TTC1: variants seen among roughly 807,000 people sequenced by gnomAD.
The protein encoded by TTC1 is tetratricopeptide repeat domain 1.
TTC1 carries 31 observed loss-of-function variants against 37.6 expected under a neutral mutation model. The ratio of observed to expected loss-of-function variants is 0.82; its 90% CI spans 0.62 to 1.11. The LOEUF is 1.11. Among genes scored for constraint, TTC1 ranks in the 50% most tolerant of loss-of-function variants. The pLI is 0.00. For synonymous variants in TTC1, 127 were observed against 122.4 expected (o/e 1.04, Z -0.25); for missense variants, 351 against 339.0 (o/e 1.04, Z -0.28).
intron 4 of TTC1, among the ~76,000 whole-genome samples, chr5:160,041,424 C>T (rs1235714856): frequency 2.0e-5 from 3 of 151,484 alleles, no homozygotes; most frequent in Non-Finnish European, 4.4e-5. Context: ...AATTCTCCTG[C>T]GTCAGCCTCT....
chr5:160,017,190 T>C (rs1209815205), intron 2 of TTC1, among the ~76,000 whole-genome samples: 1 of 152,160 alleles, frequency 6.6e-6, no homozygotes, highest in African/African-American at 2.4e-5. Context: ...AGAATTGCAA[T>C]AATAACATTA....
intron 7 of TTC1, among the ~76,000 whole-genome samples, chr5:160,060,323 T>G (rs10074960): frequency 6.6e-6 from 1 of 151,652 alleles, no homozygotes; most frequent in East Asian, 1.9e-4. Context: ...TCAATTGGGT[T>G]ATGGTGATAT....
intron 2 of TTC1, among the ~76,000 whole-genome samples, chr5:160,026,318 A>T (rs1373010781): frequency 6.6e-6 from 1 of 152,184 alleles, no homozygotes; most frequent in Admixed American, 6.5e-5. Flanking sequence ...ATATTTTGCA[A>T]CAGTGTACTA....
chr5:160,012,586 C>T (rs759796714), intron 2 of TTC1, among the ~76,000 whole-genome samples: 1 of 151,998 alleles, frequency 6.6e-6, no homozygotes, highest in Admixed American at 6.6e-5. Flanking sequence ...CAAGGCTGGT[C>T]TCCAACTCCT....
chr5:160,018,756 G>T (rs1480269112), intron 2 of TTC1, among the ~76,000 whole-genome samples: 1 of 152,196 alleles, frequency 6.6e-6, no homozygotes, highest in African/African-American at 2.4e-5. Context: ...GAATGGAGGG[G>T]TATGAGGATG....
chr5:160,021,849 A>G (rs1218933045), intron 2 of TTC1, among the ~76,000 whole-genome samples: 2 of 152,150 alleles, frequency 1.3e-5, no homozygotes, highest in Non-Finnish European at 2.9e-5. Context: ...TAAAGCAGAA[A>G]GTTTTGTTGC....
intron 2 of TTC1, among the ~76,000 whole-genome samples, chr5:160,026,265 G>T (rs1206622353): frequency 2.0e-5 from 3 of 152,190 alleles, no homozygotes; most frequent in South Asian, 2.1e-4. Context: ...TGAGGTTCTG[G>T]CAGTGTTCTC....
intron 4 of TTC1, 59 bp downstream of exon 4, chr5:160,036,862 C>A: frequency 1.6e-6 from 2 of 1,236,418 alleles, no homozygotes; most frequent in Non-Finnish European, 2.3e-6. Flanking sequence ...CTTTTCATAC[C>A]ATAGTTTCTC....
chr5:160,010,570 G>C lies in TTC1; in HGVS notation c.42G>C (p.Leu14=). ...KSENCGVPED[L]LNGLKVTDTQ... ...AGAACTGTGGGGTTCCAGAGGATCT[G>C]TTAAATGGTTTGAAGGTTACAGATA... The change falls in exon 2 of 8, where the codon CTG becomes CTC. Residue 14 remains leucine, a synonymous_variant. Coordinates refer to ENST00000231238, the MANE Select transcript of TTC1 (RefSeq NM_003314.3). 6.2e-7 allele frequency: 1 copy of C among 1,614,160 alleles called. No individual in the cohort carries two copies. Among genetic ancestry groups the C allele is most frequent in the East Asian group, 2.2e-5 (1 of 44,882 alleles).
At chr5:160,023,689 C>G (rs1437871063) in intron 2 of TTC1, 3 of 1,498,680 alleles carry the variant, frequency 2.0e-6, no homozygotes, top group Non-Finnish European at 2.8e-6. Context: ...GCCGTGTGCA[C>G]AAGGCATGTC....
At chr5:160,017,096 C>G (rs567973575) in intron 2 of TTC1, among the ~76,000 whole-genome samples, 1 of 152,266 alleles carries the variant, frequency 6.6e-6, no homozygotes, top group African/African-American at 2.4e-5. Context: ...TTTTAGCTAA[C>G]ATTTGAGATG....
Position 160,064,980 on chromosome 5 carries a change from C to A in TTC1, c.794C>A (p.Ser265Tyr). 6.2e-7 allele frequency: 1 copy of A among 1,613,994 alleles called. No homozygotes were observed. The highest frequency in any genetic ancestry group is 8.5e-7 in the Non-Finnish European group (1 of 1,180,008). Residue 265 changes from serine (S) to tyrosine (Y), a missense_variant, in exon 8 of 8, where the codon TCC becomes TAC. Coordinates refer to ENST00000231238, the MANE Select transcript of TTC1 (RefSeq NM_003314.3). ...GNLVLRPFGLSTENFQIKQDS... is the reference protein window; with the variant it reads ...GNLVLRPFGLYTENFQIKQDS... ...TTGGTTCTCCGACCTTTTGGGCTCT[C>A]CACGGAAAATTTCCAGATCAAACAG... is the stretch of plus-strand genomic sequence containing the variant.
chr5:160,044,446 G>A (rs1757164023), intron 5 of TTC1, among the ~76,000 whole-genome samples: 1 of 152,218 alleles, frequency 6.6e-6, no homozygotes, highest in Admixed American at 6.5e-5. Context: ...CTAAGCAAGG[G>A]GTGGATTACT....
At chr5:160,022,575 G>T (rs908211498) in intron 2 of TTC1, among the ~76,000 whole-genome samples, 5 of 152,118 alleles carry the variant, frequency 3.3e-5, no homozygotes, top group African/African-American at 1.2e-4. Flanking sequence ...ATGGAATCAG[G>T]CATCTAATAT....
chr5:160,010,612 T>C lies in TTC1; in HGVS notation c.84T>C (p.Cys28=), dbSNP rs1284698198. The C allele has an allele frequency of 6.2e-7, 1 of 1,613,992 alleles. No homozygotes were observed. The highest frequency in any genetic ancestry group is 8.5e-7 in the Non-Finnish European group (1 of 1,180,044). The change falls in exon 2 of 8, where the codon TGT becomes TGC. Residue 28 remains cysteine (C), a synonymous_variant. Coordinates refer to ENST00000231238, the MANE Select transcript of TTC1 (RefSeq NM_003314.3). The part of the protein sequence containing the change: ...LKVTDTQEAE[C]AGPPVPDPKN... ...TTACAGATACTCAGGAAGCCGAGTG[T>C]GCTGGCCCTCCAGTTCCTGATCCCA...
chr5:160,033,103 C>G (rs1756941639), intron 2 of TTC1, among the ~76,000 whole-genome samples: 1 of 152,062 alleles, frequency 6.6e-6, no homozygotes, highest in African/African-American at 2.4e-5. Flanking sequence ...AGTAAACCTG[C>G]CCCCTAAAGT....
At chr5:160,048,126 CTTTTTTT>C (rs56201199) in intron 5 of TTC1, among the ~76,000 whole-genome samples, 21 of 35,564 alleles carry the variant, frequency 5.9e-4, no homozygotes, top group African/African-American at 2.4e-3. Flanking sequence ...CAAGACATTG[CTTTTTTT>C]TTTTTTTTTT....
intron 2 of TTC1, among the ~76,000 whole-genome samples, chr5:160,022,335 T>C (rs1437575679): frequency 6.6e-6 from 1 of 152,198 alleles, no homozygotes; most frequent in African/African-American, 2.4e-5. Flanking sequence ...AGAAGCACTT[T>C]CTAACATTTT....
At chr5:160,041,313 C>CT (rs368094676) in intron 4 of TTC1, among the ~76,000 whole-genome samples, 33,068 of 135,558 alleles carry the variant, frequency 0.24, 4,192 homozygotes, top group Admixed American at 0.31. Context: ...TGCTTTCTTT[C>CT]TTTTTTTTTT....
Sources: gnomAD v4.1 joint callset for allele counts (sites outside exome capture counted in the v4.1 genomes callset) on GRCh38, gnomAD v4.1.1 for gene constraint, MANE v1.5 for transcripts, NCBI Gene and HGNC (gene_info 2026-07-23, HGNC 2026-07-21) for gene names.